ASPH: variants seen among roughly 807,000 people sequenced by gnomAD.
ASPH encodes aspartate beta-hydroxylase, also known as aspartyl/asparaginyl beta-hydroxylase.
A neutral mutation model predicts 118.4 loss-of-function variants in ASPH; 100 were observed. The ratio of observed to expected loss-of-function variants is 0.84; its 90% CI spans 0.72 to 1.00. The LOEUF (loss-of-function observed/expected upper bound fraction) is 1.00, where lower values mean the gene tolerates loss of function less well. ASPH is among the 50% of genes least tolerant of loss of function. ASPH has a pLI of 0.00. For synonymous variants in ASPH, 315 were observed against 325.6 expected, an observed-to-expected ratio of 0.97 and a Z score of 0.35; for missense variants, 920 against 919.5, an observed-to-expected ratio of 1.00 and a Z score of -0.01.
intron 5 of ASPH, among the ~76,000 whole-genome samples, chr8:61,649,175 C>T (rs982369511): frequency 3.5e-4 from 53 of 152,238 alleles, no homozygotes; most frequent in Non-Finnish European, 7.2e-4. Flanking sequence ...ACGGTCACAC[C>T]GAGGCCCTAG....
intron 21 of ASPH, among the ~76,000 whole-genome samples, chr8:61,535,523 T>C (rs1819157199): frequency 1.3e-5 from 2 of 152,194 alleles, no homozygotes; most frequent in African/African-American, 2.4e-5. Flanking sequence ...TATACATTCC[T>C]TGAAAGTTTC....
chr8:61,673,124 A>G (rs892813925), intron 3 of ASPH, among the ~76,000 whole-genome samples: 1 of 152,234 alleles, frequency 6.6e-6, no homozygotes, highest in Non-Finnish European at 1.5e-5. Flanking sequence ...ATACAGCTCT[A>G]TAAGACAGGG....
intron 14 of ASPH, among the ~76,000 whole-genome samples, chr8:61,616,851 G>A (rs1001459407): frequency 6.6e-6 from 1 of 152,106 alleles, no homozygotes; most frequent in Non-Finnish European, 1.5e-5. Context: ...TGTACTGCTG[G>A]TCTCCCTACT....
chr8:61,576,217 A>G (rs914469828), intron 16 of ASPH, among the ~76,000 whole-genome samples: 1 of 152,198 alleles, frequency 6.6e-6, no homozygotes, highest in Non-Finnish European at 1.5e-5. Flanking sequence ...ACTGACATAC[A>G]GTGGGTTTAT....
At chr8:61,595,082 T>C (rs974659887) in intron 14 of ASPH, among the ~76,000 whole-genome samples, 4 of 152,230 alleles carry the variant, frequency 2.6e-5, no homozygotes, top group Non-Finnish European at 5.9e-5. Context: ...ACAGAGTGGA[T>C]ATCTTTAAAC....
At chr8:61,672,941 A>G (rs1041852552) in intron 3 of ASPH, among the ~76,000 whole-genome samples, 1 of 152,218 alleles carries the variant, frequency 6.6e-6, no homozygotes, top group Non-Finnish European at 1.5e-5. Flanking sequence ...AGGGTCATGG[A>G]GCATCAATTC....
intron 17 of ASPH, 123 bp from the exon 18 acceptor site, chr8:61,563,003 A>T: frequency 2.0e-6 from 2 of 981,986 alleles, no homozygotes; most frequent in East Asian, 5.8e-5. Context: ...ATCTGGCTTT[A>T]TTAGTGGTTT....
intron 1 of ASPH, among the ~76,000 whole-genome samples, chr8:61,712,349 A>T (rs534898896): frequency 6.6e-6 from 1 of 152,326 alleles, no homozygotes; most frequent in East Asian, 1.9e-4. Context: ...TGATGGAAGG[A>T]AATGGTTTCC....
chr8:61,545,512 GT>G (rs1158643929), intron 21 of ASPH, among the ~76,000 whole-genome samples: 1 of 152,244 alleles, frequency 6.6e-6, no homozygotes, highest in African/African-American at 2.4e-5. Context: ...GAATGTTAAT[GT>G]TTTAATAGAG....
intron 13 of ASPH, among the ~76,000 whole-genome samples, chr8:61,631,094 TATATG>T (rs1316839696): frequency 7.9e-5 from 12 of 152,230 alleles, no homozygotes; most frequent in African/African-American, 2.7e-4. Flanking sequence ...TTTGTATGGC[TATATG>T]ATATGTTTGT....
At chr8:61,560,345 T>C (rs1829385113) in intron 18 of ASPH, among the ~76,000 whole-genome samples, 1 of 152,212 alleles carries the variant, frequency 6.6e-6, no homozygotes, top group Non-Finnish European at 1.5e-5. Flanking sequence ...AGCCAGTTTC[T>C]TTGTTGCAAC....
chr8:61,674,356 C>T (rs1824168099), intron 3 of ASPH, among the ~76,000 whole-genome samples: 1 of 152,300 alleles, frequency 6.6e-6, no homozygotes, highest in East Asian at 1.9e-4. Context: ...TCATTTGTTG[C>T]AGAACATGCT....
chr8:61,529,251 G>C (rs988310609), intron 21 of ASPH, among the ~76,000 whole-genome samples: 1 of 152,100 alleles, frequency 6.6e-6, no homozygotes, highest in Non-Finnish European at 1.5e-5. Flanking sequence ...TGCTCCCCTC[G>C]AGCAAAAGAG....
At chr8:61,599,257 G>A (rs1843251995) in intron 14 of ASPH, among the ~76,000 whole-genome samples, 1 of 152,122 alleles carries the variant, frequency 6.6e-6, no homozygotes, top group Non-Finnish European at 1.5e-5. Context: ...ATTCATAGAT[G>A]GGAATTGAAC....
intron 16 of ASPH, among the ~76,000 whole-genome samples, chr8:61,571,631 AT>A (rs1833510141): frequency 1.3e-5 from 2 of 152,178 alleles, no homozygotes; most frequent in Admixed American, 1.3e-4. Context: ...GATATGGAAC[AT>A]GAGGATTCAG....
intron 1 of ASPH, among the ~76,000 whole-genome samples, chr8:61,696,315 T>C (rs1002135428): frequency 2.6e-5 from 4 of 152,238 alleles, no homozygotes; most frequent in African/African-American, 9.6e-5. Context: ...TCAGTATTAG[T>C]AAACGAAAGT....
chr8:61,609,975 A>C (rs1330626552), intron 14 of ASPH, among the ~76,000 whole-genome samples: 1 of 152,246 alleles, frequency 6.6e-6, no homozygotes, highest in African/African-American at 2.4e-5. Context: ...GTATAGAAAT[A>C]GACAATGTGT....
chr8:61,556,120 T>C (rs1827778536), intron 18 of ASPH, 98 bp from the exon 19 acceptor site: 2 of 948,230 alleles, frequency 2.1e-6, no homozygotes, highest in Non-Finnish European at 3.2e-6. Context: ...TTAATTAGCT[T>C]TGTTGTACTT....
At chr8:61,698,851 A>T (rs916706048) in intron 1 of ASPH, among the ~76,000 whole-genome samples, 1 of 152,256 alleles carries the variant, frequency 6.6e-6, no homozygotes, top group Admixed American at 6.5e-5. Context: ...CTCTTACTAA[A>T]TAAATTAATA....
Sources: gnomAD v4.1 joint callset for allele counts (sites outside exome capture counted in the v4.1 genomes callset) on GRCh38, gnomAD v4.1.1 for gene constraint, MANE v1.5 for transcripts, NCBI Gene and HGNC (gene_info 2026-07-23, HGNC 2026-07-21) for gene names.